The following ATP10B variants were observed in gnomAD, a reference collection of about 807,000 sequenced individuals.
ATP10B encodes the protein phospholipid-transporting ATPase VB.
A neutral mutation model predicts 141.2 loss-of-function variants in ATP10B; 122 were observed. That is an observed-to-expected ratio of 0.86 (90% CI 0.75 to 1.00). ATP10B has a LOEUF of 1.00. Ranked by LOEUF, ATP10B falls within the 50% of genes least tolerant of loss-of-function variation. The pLI, the probability that ATP10B is intolerant of heterozygous loss-of-function variation, is 0.00. For synonymous variants in ATP10B, 685 were observed against 692.0 expected, an observed-to-expected ratio of 0.99 and a Z score of 0.16; for missense variants, 1,876 against 1,825.3, an observed-to-expected ratio of 1.03 and a Z score of -0.51.
chr5:160,773,251 G>T (rs907456699), intron 2 of ATP10B, among the ~76,000 whole-genome samples: 1 of 152,278 alleles, frequency 6.6e-6, no homozygotes, highest in East Asian at 1.9e-4. Context: ...AAAAATAGTC[G>T]TAGTCTTAGC....
chr5:160,622,445 T>C lies in ATP10B; in HGVS notation c.1761A>G (p.Leu587=). 6.2e-7 allele frequency: 1 copy of C among 1,614,016 alleles called. No individual in the cohort carries two copies. The highest frequency in any genetic ancestry group is 8.5e-7 in the Non-Finnish European group (1 of 1,180,018). Residue 587 remains leucine, a synonymous_variant, in exon 14 of 26, where the codon TTA becomes TTG. Transcript: ENST00000327245. The part of the protein sequence containing the change: ...TSSIADFFLA[L]TICNSVMVST... ...ACACCATGACAGAGTTGCAGATGGT[T>C]AAGGCAAGGAAGAAATCAGCAATGG...
At position 160,613,464 on chromosome 5, in the gene ATP10B, G is replaced by T. The variant is rs538292781; in HGVS notation, c.2654-539C>A. ...TGGTGGTAGTGAAAGTTATTCAAGG[G>T]TGTTGTGCTGGGGAGTGATAGAATC... On this transcript the variant is annotated intron_variant, in intron 17 of 25. Transcript: ENST00000327245. Among the ~76,000 whole-genome samples the T allele has an allele frequency of 5.3e-5, 8 of 152,304 alleles. No homozygotes were observed. In the South Asian group the frequency reaches 1.7e-3, roughly 32 times the overall value.
At chr5:160,843,869 A>AT (rs1347435695) in intron 1 of ATP10B, among the ~76,000 whole-genome samples, 1 of 151,954 alleles carries the variant, frequency 6.6e-6, no homozygotes, top group Non-Finnish European at 1.5e-5. Context: ...ATTTGGGGTT[A>AT]TTTTTTAGCT....
At chr5:160,928,489 C>T in the ATP10B span, among the ~76,000 whole-genome samples, 1 of 152,150 alleles carries the variant, frequency 6.6e-6, no homozygotes, top group Non-Finnish European at 1.5e-5. Context: ...TCAAATATGG[C>T]CTCATCGACT....
rs73308525 is a variant in ATP10B at position 160,692,244 on chromosome 5, A to T, written c.-204-3301T>A. 1.6e-3 allele frequency among the ~76,000 whole-genome samples: 248 copies of T among 152,366 alleles called. 2 individuals are homozygous for T. Among genetic ancestry groups the T allele is most frequent in the African/African-American group, 5.7e-3 (238 of 41,580 alleles). ...AACTTGGATGCCAAATTAGTGAATG[A>T]AAGTTTGATGAGGAACTAAATATTT... On this transcript the variant is annotated intron_variant, in intron 3 of 25. Transcript: ENST00000327245.
At chr5:160,705,820 G>T (rs115798460) in intron 3 of ATP10B, among the ~76,000 whole-genome samples, 2 of 152,180 alleles carry the variant, frequency 1.3e-5, no homozygotes, top group Non-Finnish European at 2.9e-5. Context: ...ACTATTTGGT[G>T]CAAGAGGCCT....
At chr5:160,591,645 G>C (rs1263496410) in intron 22 of ATP10B, among the ~76,000 whole-genome samples, 1 of 152,162 alleles carries the variant, frequency 6.6e-6, no homozygotes, top group Admixed American at 6.5e-5. Flanking sequence ...CAGAAACAAG[G>C]CTTCTCAGGC....
At chr5:160,753,916 A>G (rs1484544108) in intron 2 of ATP10B, among the ~76,000 whole-genome samples, 1 of 152,154 alleles carries the variant, frequency 6.6e-6, no homozygotes, top group African/African-American at 2.4e-5. Flanking sequence ...CATGATTTGA[A>G]CCACTTTACT....
the ATP10B span, among the ~76,000 whole-genome samples, chr5:160,915,792 AAC>A: frequency 6.6e-6 from 1 of 152,090 alleles, no homozygotes; most frequent in Non-Finnish European, 1.5e-5. Flanking sequence ...AAAGAGGCAA[AAC>A]AGACATTCGT....
At chr5:160,634,182 G>T in intron 12 of ATP10B, 172 bp downstream of exon 12, 1 of 905,932 alleles carries the variant, frequency 1.1e-6, no homozygotes, top group Non-Finnish European at 1.8e-6. Context: ...ACAAGTAATT[G>T]GAACAGCCCT....
intron 2 of ATP10B, among the ~76,000 whole-genome samples, chr5:160,766,434 G>A (rs1349157771): frequency 6.7e-6 from 1 of 149,216 alleles, no homozygotes; most frequent in African/African-American, 2.5e-5. Flanking sequence ...TGAAGCAAAG[G>A]CATTCACAGC....
At chr5:160,783,562 T>TACACACACACACACACACAC (rs57796332) in intron 2 of ATP10B, among the ~76,000 whole-genome samples, 2 of 131,292 alleles carry the variant, frequency 1.5e-5, no homozygotes, top group Non-Finnish European at 3.2e-5. Context: ...ATATATATGA[T>TACACACACACACACACACAC]ACACACACAC....
intron 2 of ATP10B, among the ~76,000 whole-genome samples, chr5:160,783,227 C>A (rs1267825488): frequency 6.6e-6 from 1 of 151,622 alleles, no homozygotes; most frequent in South Asian, 2.1e-4. Flanking sequence ...GCCTTCGTGT[C>A]CTCATAGCTT....
intron 25 of ATP10B, among the ~76,000 whole-genome samples, chr5:160,568,174 A>G (rs1006031046): frequency 2.6e-5 from 4 of 152,162 alleles, no homozygotes; most frequent in Admixed American, 2.0e-4. Context: ...CTCAGACTTA[A>G]TATGCCCAGT....
At chr5:160,910,417 ACT>A in the ATP10B span, among the ~76,000 whole-genome samples, 1 of 152,112 alleles carries the variant, frequency 6.6e-6, no homozygotes, top group African/African-American at 2.4e-5. Flanking sequence ...ATGAGAGCAG[ACT>A]CTGTCAATTT....
intron 5 of ATP10B, among the ~76,000 whole-genome samples, chr5:160,686,629 T>C (rs1239896569): frequency 6.6e-6 from 1 of 152,214 alleles, no homozygotes; most frequent in Non-Finnish European, 1.5e-5. Flanking sequence ...GTCATGCTTA[T>C]GGATGAGACT....
intron 3 of ATP10B, among the ~76,000 whole-genome samples, chr5:160,691,194 C>G (rs1196684931): frequency 2.6e-5 from 4 of 151,978 alleles, no homozygotes; most frequent in East Asian, 3.9e-4. Context: ...TATCACACAC[C>G]AGGGCCTGTT....
At chr5:160,581,762 C>T (rs542968998) in intron 24 of ATP10B, among the ~76,000 whole-genome samples, 2 of 152,224 alleles carry the variant, frequency 1.3e-5, no homozygotes, top group South Asian at 4.2e-4. Context: ...TAAAGCCTCC[C>T]ATTATTATTG....
chr5:160,782,726 T>G (rs7712586), intron 2 of ATP10B, among the ~76,000 whole-genome samples: 40,606 of 151,824 alleles, frequency 0.27, 5,635 homozygotes, highest in Admixed American at 0.31. Flanking sequence ...AAAAGAGGAT[T>G]GAGTAAAGAA....
Sources: allele counts gnomAD v4.1 joint callset (sites outside exome capture counted in the v4.1 genomes callset), GRCh38; gene constraint gnomAD v4.1.1; transcripts MANE v1.5; gene names NCBI Gene and HGNC (gene_info 2026-07-23, HGNC 2026-07-21).